The following RYR3 variants were observed in gnomAD, a reference collection of about 807,000 sequenced individuals.
RYR3 encodes the protein ryanodine receptor 3.
In RYR3, 207 loss-of-function variants were observed where a neutral mutation model predicts 584.3. That is an observed-to-expected ratio of 0.35 (90% CI 0.32 to 0.40). RYR3 has a LOEUF of 0.40. RYR3 is among the 10% of genes least tolerant of loss of function. RYR3 has a pLI of 1.00. For missense variants in RYR3, 5,616 were observed against 6,089.2 expected, an observed-to-expected ratio of 0.92 and a Z score of 2.59; for synonymous variants, 2,416 against 2,248.5, an observed-to-expected ratio of 1.07 and a Z score of -2.11.
chr15:33,473,078 G>A (rs1455405218), intron 1 of RYR3, among the ~76,000 whole-genome samples: 1 of 152,114 alleles, frequency 6.6e-6, no homozygotes, highest in Non-Finnish European at 1.5e-5. Context: ...TATATTTGGA[G>A]AGATTGTATA....
intron 5 of RYR3, 122 bp downstream of exon 5, chr15:33,533,511 C>T: frequency 1.6e-6 from 1 of 614,286 alleles, no homozygotes; most frequent in Non-Finnish European, 2.9e-6. Context: ...AGAAATAGGT[C>T]TGAAAAAAAA....
chr15:33,526,218 T>G (rs16971893), intron 3 of RYR3, among the ~76,000 whole-genome samples: 6,026 of 152,264 alleles, frequency 0.04, 370 homozygotes, highest in African/African-American at 0.13. Context: ...TGGGAACTAC[T>G]AGAAGAAACG....
intron 10 of RYR3, among the ~76,000 whole-genome samples, chr15:33,552,122 AAG>A (rs552921397): frequency 8.3e-4 from 126 of 152,284 alleles, no homozygotes; most frequent in African/African-American, 2.9e-3. Flanking sequence ...CCATTTCAAA[AAG>A]GGGCTTTTCT....
In RYR3 at chr15:33,662,395, A is replaced by T; in HGVS notation, c.4865A>T (p.Lys1622Met). 1.9e-6 allele frequency: 3 copies of T among 1,613,792 alleles called. No individual in the cohort carries two copies. Among genetic ancestry groups the T allele is most frequent in the Non-Finnish European group, 2.5e-6 (3 of 1,179,786 alleles). ...CACCTGGCCAGCGCCAAGGAGAGGA[A>T]GCTGATGATGAAGAACGAGTACATC... ...SIHLASAKERKLMMKNEYIIP... is the reference protein window; with the variant it reads ...SIHLASAKERMLMMKNEYIIP... The change falls in exon 35 of 104, where the codon AAG (lysine) becomes ATG (methionine). Residue 1622 changes from lysine to methionine, a missense_variant. Lys to Met is a moderately conservative substitution (Grantham distance 95). Coordinates refer to ENST00000634891, the MANE Select transcript of RYR3 (RefSeq NM_001036.6).
chr15:33,392,089 T>C (rs1359000273), intron 1 of RYR3, among the ~76,000 whole-genome samples: 1 of 151,974 alleles, frequency 6.6e-6, no homozygotes, highest in East Asian at 1.9e-4. Context: ...ACTTGCTTGA[T>C]GTCCGTTTCC....
intron 38 of RYR3, among the ~76,000 whole-genome samples, chr15:33,688,500 G>C (rs2065175808): frequency 6.6e-6 from 1 of 151,252 alleles, no homozygotes; most frequent in Non-Finnish European, 1.5e-5. Context: ...GTGGACCCGG[G>C]AGGTGGAGCT....
At chr15:33,828,217 C>T (rs2077478620) in intron 85 of RYR3, among the ~76,000 whole-genome samples, 2 of 152,200 alleles carry the variant, frequency 1.3e-5, no homozygotes, top group South Asian at 2.1e-4. Flanking sequence ...CATGTGTTCT[C>T]ACCATTCCAC....
chr15:33,851,546 C>T (rs1398696785), intron 94 of RYR3: 3 of 152,104 alleles, frequency 2.0e-5, no homozygotes, highest in Non-Finnish European at 4.4e-5. Context: ...TTTAAGGACT[C>T]GTAACAAGTA....
intron 16 of RYR3, among the ~76,000 whole-genome samples, chr15:33,597,107 T>G (rs2059415821): frequency 6.6e-6 from 1 of 152,248 alleles, no homozygotes; most frequent in Non-Finnish European, 1.5e-5. Flanking sequence ...ATCAATGTCT[T>G]ATTTATTACA....
rs1468695261 is a variant in RYR3, at chr15:33,564,358, A to G, written c.1146+1348A>G. ...AGAGCAAAGCAGAGATGTTGACATT[A>G]TGAGAGTACTAGGGATATACAAGTC... is the stretch of plus-strand genomic sequence containing the variant. On this transcript the variant is annotated intron_variant, in intron 11 of 103. Coordinates refer to ENST00000634891, the MANE Select transcript of RYR3 (RefSeq NM_001036.6). Among the ~76,000 whole-genome samples the G allele has an allele frequency of 2.0e-5, 3 of 152,236 alleles. No individual in the cohort carries two copies. The East Asian group carries it at 5.8e-4, about 29-fold the overall frequency.
intron 19 of RYR3, among the ~76,000 whole-genome samples, chr15:33,622,677 C>T (rs2060787086): frequency 6.6e-6 from 1 of 151,650 alleles, no homozygotes; most frequent in Non-Finnish European, 1.5e-5. Context: ...GAATGTTGTA[C>T]ATAAACACTG....
intron 1 of RYR3, among the ~76,000 whole-genome samples, chr15:33,323,032 G>A (rs1235768860): frequency 1.3e-5 from 2 of 151,632 alleles, no homozygotes; most frequent in East Asian, 3.9e-4. Context: ...TGTTTGTAGA[G>A]CTGCAATAAG....
chr15:33,602,014 C>G (rs2059687395), intron 17 of RYR3, among the ~76,000 whole-genome samples: 1 of 152,334 alleles, frequency 6.6e-6, no homozygotes, highest in Non-Finnish European at 1.5e-5. Context: ...GGGTGAAGAG[C>G]AGGGTCCCAT....
Position 33,865,309 on chromosome 15 carries a change from C to G in RYR3, c.*83C>G. ...CCCTTTTTACAGTTCTGCAACATAT[C>G]TGAAATGTGACATTTTCTAAATGCC... On this transcript the variant is annotated 3_prime_UTR_variant, in exon 104 of 104. Coordinates refer to ENST00000634891, the MANE Select transcript of RYR3 (RefSeq NM_001036.6). 1.1e-6 allele frequency: 1 copy of G among 903,718 alleles called. No individual in the cohort carries two copies. Among genetic ancestry groups the G allele is most frequent in the Non-Finnish European group, 1.7e-6 (1 of 583,298 alleles). The allele number at this position is 903,718 out of a possible 1,614,324, so 56.0% of individuals were successfully genotyped here.
At chr15:33,821,722 A>G in intron 80 of RYR3, 120 bp downstream of exon 80, 2 of 904,928 alleles carry the variant, frequency 2.2e-6, no homozygotes, top group South Asian at 3.0e-5. Flanking sequence ...CACTTAGCTC[A>G]CGTTTGTCCT....
intron 2 of RYR3, among the ~76,000 whole-genome samples, chr15:33,475,327 C>T (rs1034894409): frequency 1.3e-5 from 2 of 152,162 alleles, no homozygotes; most frequent in Non-Finnish European, 2.9e-5. Flanking sequence ...CAGTTCCCAA[C>T]CTTTTTGGCA....
intron 1 of RYR3, among the ~76,000 whole-genome samples, chr15:33,313,477 T>C (rs1967646309): frequency 6.6e-6 from 1 of 152,222 alleles, no homozygotes; most frequent in South Asian, 2.1e-4. Flanking sequence ...CCAATAGCCA[T>C]AAGCTTTTGA....
At chr15:33,689,146 C>G (rs2152752638) in intron 38 of RYR3, among the ~76,000 whole-genome samples, 1 of 145,350 alleles carries the variant, frequency 6.9e-6, no homozygotes, top group East Asian at 2.0e-4. Context: ...ACTCCATGTT[C>G]TCACTCATAG....
Position 33,445,460 on chromosome 15 carries a change from G to A in RYR3, c.52-27959G>A, listed in dbSNP as rs56307189. On this transcript the variant is annotated intron_variant, in intron 1 of 103. Transcript: ENST00000634891. ...GAAATGCCTGTACGCAGCCAGCCCAGTAGAGACACATGTCTGATTTTTCCT... is the reference window on the plus strand; with the variant it reads ...GAAATGCCTGTACGCAGCCAGCCCAATAGAGACACATGTCTGATTTTTCCT... Among the ~76,000 whole-genome samples the A allele has an allele frequency of 3.4e-3, 513 of 152,282 alleles. 1 individual carries two copies. The highest frequency in any genetic ancestry group is 5.8e-3 in the Non-Finnish European group (393 of 68,028).
Sources: gnomAD v4.1 joint callset for allele counts (sites outside exome capture counted in the v4.1 genomes callset) on GRCh38, gnomAD v4.1.1 for gene constraint, MANE v1.5 for transcripts, NCBI Gene and HGNC (gene_info 2026-07-23, HGNC 2026-07-21) for gene names.